The following SDK1 variants were observed in gnomAD, a reference collection of about 807,000 sequenced individuals.
SDK1 encodes the protein sidekick cell adhesion molecule 1.
SDK1 carries 157 observed loss-of-function variants against 245.5 expected under a neutral mutation model. That is an observed-to-expected ratio of 0.64 (90% CI 0.56 to 0.73). The LOEUF (loss-of-function observed/expected upper bound fraction) is 0.73. SDK1 is among the 30% of genes least tolerant of loss of function. The probability of loss-of-function intolerance (pLI) is 0.00; values close to 1 mark genes in which losing one functional copy is unlikely to be tolerated. For missense variants in SDK1, 3,583 were observed against 3,002.3 expected, an observed-to-expected ratio of 1.19 and a Z score of -4.52; for synonymous variants, 1,647 against 1,278.5, an observed-to-expected ratio of 1.29 and a Z score of -6.15.
intron 5 of SDK1, among the ~76,000 whole-genome samples, chr7:3,864,086 A>G: frequency 6.6e-6 from 1 of 152,014 alleles, no homozygotes; most frequent in South Asian, 2.1e-4. Context: ...TATCCTTGCC[A>G]GCACTTAATT....
intron 1 of SDK1, among the ~76,000 whole-genome samples, chr7:3,545,681 A>C (rs1479626602): frequency 6.6e-6 from 1 of 152,190 alleles, no homozygotes; most frequent in Non-Finnish European, 1.5e-5. Flanking sequence ...TGGCTGGTTC[A>C]GCATTTTACC....
At chr7:3,569,952 G>A (rs940290940) in intron 1 of SDK1, among the ~76,000 whole-genome samples, 3 of 152,152 alleles carry the variant, frequency 2.0e-5, no homozygotes, top group Non-Finnish European at 4.4e-5. Context: ...CAGAAGTTCA[G>A]AGTGTTTTTC....
At chr7:3,735,160 A>T (rs1348288528) in intron 4 of SDK1, among the ~76,000 whole-genome samples, 1 of 152,118 alleles carries the variant, frequency 6.6e-6, no homozygotes, top group Non-Finnish European at 1.5e-5. Flanking sequence ...TAAAAAAAAA[A>T]ATTAATTGTG....
intron 1 of SDK1, among the ~76,000 whole-genome samples, chr7:3,330,706 C>G (rs759940241): frequency 2.6e-5 from 4 of 151,210 alleles, no homozygotes; most frequent in Non-Finnish European, 5.9e-5. Context: ...GGCACGGTGA[C>G]TCATGCCTGC....
chr7:3,913,697 C>T (rs576433586), intron 5 of SDK1, among the ~76,000 whole-genome samples: 81 of 152,242 alleles, frequency 5.3e-4, no homozygotes, highest in African/African-American at 1.8e-3. Context: ...CCTAAACCCC[C>T]TTGAGTATGT....
intron 4 of SDK1, among the ~76,000 whole-genome samples, chr7:3,681,863 G>A (rs533802839): frequency 1.1e-4 from 17 of 152,180 alleles, no homozygotes; most frequent in African/African-American, 3.9e-4. Flanking sequence ...AACCTCTTGG[G>A]ACCAGATATG....
At chr7:4,054,883 G>T (rs537257577) in intron 19 of SDK1, among the ~76,000 whole-genome samples, 1 of 152,190 alleles carries the variant, frequency 6.6e-6, no homozygotes, top group Non-Finnish European at 1.5e-5. Context: ...TTCTTAGCTT[G>T]TTGGTCTGTT....
chr7:3,675,327 C>T (rs919051115), intron 4 of SDK1, among the ~76,000 whole-genome samples: 17 of 152,206 alleles, frequency 1.1e-4, no homozygotes, highest in African/African-American at 4.1e-4. Flanking sequence ...TGATGGTCGT[C>T]TACAGCTGGA....
chr7:3,517,971 C>G (rs1208509083), intron 1 of SDK1, among the ~76,000 whole-genome samples: 1 of 152,082 alleles, frequency 6.6e-6, no homozygotes, highest in Admixed American at 6.6e-5. Context: ...GTTTTTGTGA[C>G]TTCTCTCTCT....
intron 4 of SDK1, among the ~76,000 whole-genome samples, chr7:3,703,785 A>G (rs1784807486): frequency 6.6e-6 from 1 of 152,234 alleles, no homozygotes; most frequent in South Asian, 2.1e-4. Context: ...CTTCAAAAAT[A>G]TCTGTCGTTG....
At chr7:3,941,699 A>G (rs1248573181) in intron 5 of SDK1, among the ~76,000 whole-genome samples, 2 of 152,086 alleles carry the variant, frequency 1.3e-5, no homozygotes, top group African/African-American at 4.8e-5. Flanking sequence ...CTCCGCCACA[A>G]TGTGCTTGCT....
intron 1 of SDK1, among the ~76,000 whole-genome samples, chr7:3,345,111 A>G (rs1051247077): frequency 2.0e-5 from 3 of 152,210 alleles, no homozygotes; most frequent in African/African-American, 7.2e-5. Context: ...TCTCCACGGA[A>G]TGTGGTTTGA....
chr7:3,978,953 G>A (rs1783179636), intron 13 of SDK1, among the ~76,000 whole-genome samples: 3 of 152,160 alleles, frequency 2.0e-5, no homozygotes, highest in African/African-American at 7.2e-5. Context: ...CTCTTCTCAC[G>A]TCTGTTTGCC....
At chr7:3,944,924 A>C (rs1018504592) in intron 5 of SDK1, among the ~76,000 whole-genome samples, 1 of 152,218 alleles carries the variant, frequency 6.6e-6, no homozygotes, top group African/African-American at 2.4e-5. Context: ...TGGTTATGAC[A>C]GAGAGCTATT....
At chr7:3,396,735 C>T (rs1285842781) in intron 1 of SDK1, among the ~76,000 whole-genome samples, 1 of 151,396 alleles carries the variant, frequency 6.6e-6, no homozygotes, top group African/African-American at 2.4e-5. Flanking sequence ...TGATCTGTAT[C>T]TTTGTATCTA....
At chr7:3,505,010 G>A (rs1368047055) in intron 1 of SDK1, among the ~76,000 whole-genome samples, 1 of 152,142 alleles carries the variant, frequency 6.6e-6, no homozygotes, top group Non-Finnish European at 1.5e-5. Context: ...ATGCCCAGTG[G>A]TGATACAACT....
In SDK1 at chr7:3,466,987, C is replaced by CT. The variant is rs879381391; in HGVS notation, c.299-152093_299-152092insT. Reference sequence around the variant, plus strand: ...TCTCTCCTCTCTCTCTCTACACACACACACACACACACACACACACACACA... The same window carrying CT: ...TCTCTCCTCTCTCTCTCTACACACACTACACACACACACACACACACACACA... On this transcript the variant is annotated intron_variant, in intron 1 of 44. Transcript: ENST00000404826. Among the ~76,000 whole-genome samples the CT allele has an allele frequency of 2.1e-3, 272 of 130,678 alleles. 1 individual carries two copies. Among genetic ancestry groups the CT allele is most frequent in the Middle Eastern group, 3.6e-3 (1 of 276 alleles). The allele number at this position is 130,678 out of a possible 152,430, so 85.7% of individuals were successfully genotyped here. A position where few individuals can be genotyped will look rare whatever the true frequency, so the allele number is the denominator to read the frequency against.
chr7:3,958,755 A>G (rs1289969881), intron 7 of SDK1, among the ~76,000 whole-genome samples, 176 bp from the exon 8 acceptor site: 2 of 152,188 alleles, frequency 1.3e-5, no homozygotes, highest in Non-Finnish European at 2.9e-5. Flanking sequence ...GAAACCCCAG[A>G]CTGTAAATTG....
chr7:4,082,951 A>C (rs1177864846), intron 22 of SDK1, among the ~76,000 whole-genome samples: 1 of 152,092 alleles, frequency 6.6e-6, no homozygotes, highest in African/African-American at 2.4e-5. Context: ...TCTAATAGTC[A>C]GTTCACACTC....
Sources: allele counts gnomAD v4.1 joint callset (sites outside exome capture counted in the v4.1 genomes callset), GRCh38; gene constraint gnomAD v4.1.1; transcripts MANE v1.5; gene names NCBI Gene and HGNC (gene_info 2026-07-23, HGNC 2026-07-21).